The following CIP2A variants were observed in gnomAD, a reference collection of about 807,000 sequenced individuals.
CIP2A encodes cellular inhibitor of PP2A, also known as protein CIP2A.
Under a neutral mutation model 110.9 loss-of-function variants are expected in CIP2A, and 103 were observed. That is an observed-to-expected ratio of 0.93 (90% confidence interval 0.79 to 1.09). CIP2A has a LOEUF of 1.09. Among genes scored for constraint, CIP2A ranks in the 50% least tolerant of loss-of-function variants. The pLI, the probability that CIP2A is intolerant of heterozygous loss-of-function variation, is 0.00. For missense variants in CIP2A, 1,088 were observed against 1,038.4 expected, an observed-to-expected ratio of 1.05 and a Z score of -0.66; for synonymous variants, 381 against 361.6, an observed-to-expected ratio of 1.05 and a Z score of -0.61.
chr3:108,572,370 T>G (rs1306094067), intron 8 of CIP2A, among the ~76,000 whole-genome samples: 2 of 152,066 alleles, frequency 1.3e-5, no homozygotes, highest in Non-Finnish European at 2.9e-5. Context: ...ATTTTTGCAT[T>G]TGGTATGAGG....
chr3:108,575,876 T>A (rs2969898), intron 8 of CIP2A, among the ~76,000 whole-genome samples: 19,708 of 21,972 alleles, frequency 0.9, 9,490 homozygotes, highest in East Asian at 1. Flanking sequence ...GTATATATAC[T>A]CATATACATG....
At position 108,569,489 on chromosome 3, in the gene CIP2A, A is replaced by C. The variant is rs1313537863; in HGVS notation, c.1013T>G (p.Leu338Ter). 1 of 1,612,892 alleles carries C rather than the reference A, an allele frequency of 6.2e-7. No individual in the cohort carries two copies. The highest frequency in any genetic ancestry group is 2.2e-5 in the East Asian group (1 of 44,806). Reference protein sequence around the residue: ...SATLGSHTKCLEPTVALLRWL... With the variant: ...SATLGSHTKC ...GCGCAGTAGAGCCACAGTAGGTTCT[A>C]AACATTTAGTATGGCTTCCCAGAGT... The change falls in exon 9 of 21, where the codon TTA (leucine) becomes TGA (stop). Residue 338 changes from leucine to a stop codon, truncating the protein, a stop_gained. Transcript: ENST00000295746. LOFTEE classifies it high-confidence loss of function.
At chr3:108,557,564 T>C (rs766461975) in intron 16 of CIP2A, 150 bp from the exon 17 acceptor site, 4 of 488,434 alleles carry the variant, frequency 8.2e-6, no homozygotes, top group South Asian at 6.6e-5. Context: ...CTTAGGACTT[T>C]ACTTCTAATA....
intron 8 of CIP2A, 40 bp downstream of exon 8, chr3:108,576,231 G>C: frequency 2.3e-6 from 3 of 1,323,212 alleles, no homozygotes; most frequent in Non-Finnish European, 3.1e-6. Context: ...GCATTTTGCA[G>C]TTTTTAAAAG....
At position 108,581,502 on chromosome 3, in the gene CIP2A, A is replaced by G. The variant is rs1938875942; in HGVS notation, c.462T>C (p.Ser154=). Residue 154 remains serine, a synonymous_variant, in exon 5 of 21, where the codon TCT becomes TCC. Transcript: ENST00000295746. Reference sequence around the variant, plus strand: ...GACAAGGCATTTTTAACTCATCTTCAGAAGATTGACTGTTGTTTTACATTG... The same window carrying G: ...GACAAGGCATTTTTAACTCATCTTCGGAAGATTGACTGTTGTTTTACATTG... ...ITFLIDHIQS[S]EDELKMPCLG... The G allele has an allele frequency of 4.4e-6, 7 of 1,605,432 alleles. No individual in the cohort carries two copies. The highest frequency in any genetic ancestry group is 6.0e-6 in the Non-Finnish European group (7 of 1,172,924).
rs775066001 is a variant in CIP2A, at chr3:108,566,626, T to C, written c.1286A>G (p.Asp429Gly). 1.9e-6 allele frequency: 3 copies of C among 1,597,988 alleles called. No individual in the cohort carries two copies. The highest frequency in any genetic ancestry group is 1.7e-5 in the Admixed American group (1 of 57,366). Residue 429 changes from aspartate to glycine, a missense_variant, in exon 11 of 21, where the codon GAT becomes GGT. By Grantham distance (94) the Asp-to-Gly change is moderately conservative. Transcript: ENST00000295746. ...TGCAATATGCATTTTTAGTGTATCATCTCCACAGAGAGGTTAAGTTTTGTT... is the reference window on the plus strand; with the variant it reads ...TGCAATATGCATTTTTAGTGTATCACCTCCACAGAGAGGTTAAGTTTTGTT... The part of the protein sequence containing the change: ...AIEVLLTLCG[D>G]DTLKMHIAKI...
chr3:108,557,796 A>T (rs1937860953), intron 16 of CIP2A, among the ~76,000 whole-genome samples: 1 of 152,172 alleles, frequency 6.6e-6, no homozygotes, highest in South Asian at 2.1e-4. Flanking sequence ...TTAAGAACAA[A>T]ATCTTAACGA....
chr3:108,551,466 T>C (rs2083898027), intron 20 of CIP2A, 147 bp from the exon 21 acceptor site: 1 of 500,104 alleles, frequency 2.0e-6, no homozygotes, highest in Non-Finnish European at 3.4e-6. Flanking sequence ...CTTCAGTTAA[T>C]TCAATTACAT....
intron 12 of CIP2A, among the ~76,000 whole-genome samples, chr3:108,564,387 C>T (rs1364536828): frequency 6.6e-6 from 1 of 151,950 alleles, no homozygotes; most frequent in East Asian, 1.9e-4. Context: ...TGTTAAGCTA[C>T]TGCAGTAATT....
At chr3:108,579,123 G>GA (rs1266986346) in intron 7 of CIP2A, among the ~76,000 whole-genome samples, 158 bp downstream of exon 7, 1 of 152,004 alleles carries the variant, frequency 6.6e-6, no homozygotes, top group Non-Finnish European at 1.5e-5. Context: ...GTTCAGGAAA[G>GA]AAAAAAGAGT....
At chr3:108,558,371 T>C (rs1204258182) in intron 16 of CIP2A, among the ~76,000 whole-genome samples, 1 of 152,148 alleles carries the variant, frequency 6.6e-6, no homozygotes, top group Non-Finnish European at 1.5e-5. Flanking sequence ...TTATTATAAT[T>C]CATTCATTAT....
intron 20 of CIP2A, among the ~76,000 whole-genome samples, chr3:108,551,951 C>T (rs1483638572): frequency 6.6e-6 from 1 of 152,210 alleles, no homozygotes; most frequent in African/African-American, 2.4e-5. Flanking sequence ...GAAAATTATA[C>T]AGCTACCTAT....
chr3:108,566,705 T>A, intron 10 of CIP2A, 67 bp from the exon 11 acceptor site: 1 of 999,092 alleles, frequency 1.0e-6, no homozygotes, highest in Non-Finnish European at 1.4e-6. Context: ...ACATTCAGGA[T>A]GATTTCATAC....
At chr3:108,586,863 C>T (rs1576322332) in intron 1 of CIP2A, among the ~76,000 whole-genome samples, 3 of 152,190 alleles carry the variant, frequency 2.0e-5, no homozygotes, top group Admixed American at 6.5e-5. Flanking sequence ...CTACACTCTG[C>T]ATGGGGCTAT....
At chr3:108,552,055 A>T (rs866227888) in intron 20 of CIP2A, among the ~76,000 whole-genome samples, 179 bp downstream of exon 20, 4 of 152,314 alleles carry the variant, frequency 2.6e-5, no homozygotes, top group Middle Eastern at 3.4e-3. Context: ...ATAACTGCTT[A>T]ACTATTTTAG....
In CIP2A at chr3:108,559,844, A is replaced by G. The variant is rs755701187; in HGVS notation, c.1926T>C (p.Asp642=). 1 of 1,607,530 alleles carries G rather than the reference A, an allele frequency of 6.2e-7. No homozygotes were observed. The highest frequency in any genetic ancestry group is 1.3e-5 in the African/African-American group (1 of 74,882). The part of the protein sequence containing the change: ...TLASKESRLQ[D]LLETKALALA... ...GGGCTAGAGCTTTTGTTTCCAAAAGATCTTGTAGCCTGCTTTCTTTGGACT... is the reference window on the plus strand; with the variant it reads ...GGGCTAGAGCTTTTGTTTCCAAAAGGTCTTGTAGCCTGCTTTCTTTGGACT... Residue 642 remains aspartate, a synonymous_variant, in exon 16 of 21, where the codon GAT becomes GAC. Coordinates refer to ENST00000295746, the MANE Select transcript of CIP2A (RefSeq NM_020890.3).
rs752258593 is a variant in CIP2A at position 108,560,749 on chromosome 3, CTG to C, written c.1725_1726del (p.His575GlnfsTer23). 1.3e-5 allele frequency: 21 copies of C among 1,612,424 alleles called. No individual in the cohort carries two copies. The South Asian group carries it at 1.9e-4, about 14-fold the overall frequency. On this transcript the variant is annotated frameshift_variant, in exon 14 of 21. Transcript: ENST00000295746. LOFTEE classifies it high-confidence loss of function. ...TAAACACTTTATTGATGTTGGAAAA[CTG>C]TGATTTGATGATTGCCAGGGCATTT... is the stretch of plus-strand genomic sequence containing the variant.
At position 108,566,549 on chromosome 3, in the gene CIP2A, A is replaced by G. The variant is rs551567634; in HGVS notation, c.1363T>C (p.Tyr455His). 129 of 1,608,066 alleles carry G rather than the reference A, an allele frequency of 8.0e-5. No homozygotes were observed. The Admixed American group carries it at 1.3e-3, about 16-fold the overall frequency. ...CCAAATCCCAGGTCAATCTTGCCAT[A>G]TGTAAATTGTTGTTCTATAAGAGTG... Reference protein sequence around the residue: ...CTTLIEQQFTYGKIDLGFGTK... With the variant: ...CTTLIEQQFTHGKIDLGFGTK... Residue 455 changes from tyrosine to histidine, a missense_variant, in exon 11 of 21, where the codon TAT (tyrosine) becomes CAT (histidine). Transcript: ENST00000295746.
intron 19 of CIP2A, among the ~76,000 whole-genome samples, chr3:108,553,135 T>C (rs1197147275): frequency 1.4e-5 from 2 of 141,010 alleles, no homozygotes; most frequent in Non-Finnish European, 1.5e-5. Flanking sequence ...TTTTTTTTTT[T>C]TTTTTTTTTT....
Sources: gnomAD v4.1 joint callset for allele counts (sites outside exome capture counted in the v4.1 genomes callset) on GRCh38, gnomAD v4.1.1 for gene constraint, MANE v1.5 for transcripts, NCBI Gene and HGNC (gene_info 2026-07-23, HGNC 2026-07-21) for gene names.